Variants in DPP6 observed in about 807,000 individuals in gnomAD.
DPP6 encodes the protein A-type potassium channel modulatory protein DPP6.
In DPP6, 69 loss-of-function variants were observed where a neutral mutation model predicts 122.6. That is an observed-to-expected ratio of 0.56 (90% CI 0.46 to 0.69). The LOEUF (loss-of-function observed/expected upper bound fraction) is 0.69, where lower values mean the gene tolerates loss of function less well. Ranked by LOEUF, DPP6 falls within the 30% of genes least tolerant of loss-of-function variation. The pLI is 0.00. For missense variants in DPP6, 928 were observed against 1,116.9 expected (o/e 0.83, Z 2.41); for synonymous variants, 418 against 433.1 (o/e 0.97, Z 0.43).
intron 7 of DPP6, among the ~76,000 whole-genome samples, chr7:154,672,692 C>T (rs1401612779): frequency 6.6e-6 from 1 of 152,136 alleles, no homozygotes; most frequent in Non-Finnish European, 1.5e-5. Flanking sequence ...TCCATTTGAC[C>T]TTTAAGAGCG....
At chr7:154,538,816 C>T (rs1828478548) in intron 3 of DPP6, among the ~76,000 whole-genome samples, 1 of 152,100 alleles carries the variant, frequency 6.6e-6, no homozygotes, top group Non-Finnish European at 1.5e-5. Flanking sequence ...ATAGATGCAC[C>T]TTGGTGTGTT....
At chr7:154,482,433 T>TA (rs966467088) in intron 3 of DPP6, among the ~76,000 whole-genome samples, 4 of 152,344 alleles carry the variant, frequency 2.6e-5, no homozygotes, top group Admixed American at 6.5e-5. Context: ...TTATATATAC[T>TA]ACACATTTGT....
intron 1 of DPP6, among the ~76,000 whole-genome samples, chr7:153,918,430 ACACACAC>A (rs1800422497): frequency 4.5e-5 from 1 of 22,376 alleles, no homozygotes; most frequent in African/African-American, 1.9e-4. Flanking sequence ...TAATTAAAAC[ACACACAC>A]ACACACACAC....
intron 3 of DPP6, among the ~76,000 whole-genome samples, chr7:154,515,723 G>A (rs7782045): frequency 6.6e-6 from 1 of 151,862 alleles, no homozygotes; most frequent in Non-Finnish European, 1.5e-5. Context: ...ATCCGCCCTC[G>A]TCGGCCTCCC....
chr7:154,683,819 A>T (rs1270879157), intron 7 of DPP6, among the ~76,000 whole-genome samples: 1 of 152,076 alleles, frequency 6.6e-6, no homozygotes, highest in Non-Finnish European at 1.5e-5. Context: ...ACCACCTCTC[A>T]CTGCGAAGAC....
the DPP6 span, among the ~76,000 whole-genome samples, chr7:153,865,691 G>A: frequency 2.0e-5 from 3 of 152,098 alleles, no homozygotes; most frequent in Non-Finnish European, 4.4e-5. Context: ...TAGGGTACAT[G>A]TGCACAACGT....
chr7:153,887,174 G>A (rs1202598054), exon 1 of DPP6: 1 of 152,496 alleles, frequency 6.6e-6, no homozygotes, highest in Non-Finnish European at 1.5e-5. Context: ...CCGGGTCCCT[G>A]CCCTTAGGGA....
chr7:154,333,873 T>C (rs1463225299), intron 1 of DPP6, among the ~76,000 whole-genome samples: 4 of 152,186 alleles, frequency 2.6e-5, no homozygotes, highest in African/African-American at 9.6e-5. Flanking sequence ...TTAAAAATGC[T>C]CACAGTCATG....
the DPP6 span, among the ~76,000 whole-genome samples, chr7:153,752,253 CTTTTT>C: frequency 2.2e-5 from 3 of 138,398 alleles, no homozygotes; most frequent in Admixed American, 7.2e-5. Context: ...ACCACAGCCT[CTTTTT>C]TTTTTTTTTT....
chr7:154,199,155 T>A (rs533669922), intron 1 of DPP6, among the ~76,000 whole-genome samples: 1 of 152,164 alleles, frequency 6.6e-6, no homozygotes, highest in East Asian at 1.9e-4. Flanking sequence ...CTCCCCTAAT[T>A]GCAAGTCGTC....
intron 1 of DPP6, among the ~76,000 whole-genome samples, chr7:153,935,087 C>T (rs1370573437): frequency 6.6e-6 from 1 of 152,186 alleles, no homozygotes; most frequent in Non-Finnish European, 1.5e-5. Flanking sequence ...AACGCTGTGC[C>T]CATCCCAGTG....
At chr7:153,948,856 A>T (rs1186985238) in intron 1 of DPP6, among the ~76,000 whole-genome samples, 3 of 149,726 alleles carry the variant, frequency 2.0e-5, no homozygotes, top group Non-Finnish European at 4.4e-5. Context: ...AAACAGGCAC[A>T]GGTAAAGATG....
chr7:154,576,039 C>T (rs1457820281), intron 5 of DPP6, among the ~76,000 whole-genome samples: 3 of 152,010 alleles, frequency 2.0e-5, no homozygotes, highest in African/African-American at 7.3e-5. Context: ...CATTCCAGGC[C>T]GGCCCGCAGT....
chr7:154,780,801 T>G (rs1428910565), intron 10 of DPP6, among the ~76,000 whole-genome samples: 3 of 152,172 alleles, frequency 2.0e-5, no homozygotes, highest in Non-Finnish European at 4.4e-5. Flanking sequence ...GAGCAAATAT[T>G]GAGGAAACAG....
At chr7:154,045,387 A>G (rs1465255643) in intron 1 of DPP6, among the ~76,000 whole-genome samples, 1 of 152,202 alleles carries the variant, frequency 6.6e-6, no homozygotes. Context: ...GCTCTAGTAC[A>G]TTGCTCTAGT....
intron 1 of DPP6, among the ~76,000 whole-genome samples, chr7:154,015,599 C>T (rs1259800969): frequency 2.0e-5 from 3 of 152,172 alleles, no homozygotes; most frequent in African/African-American, 4.8e-5. Context: ...ACCACCAACC[C>T]AGGTGCTCAA....
chr7:153,886,457 G>A (rs1053574601), upstream of DPP6, among the ~76,000 whole-genome samples: 14 of 152,282 alleles, frequency 9.2e-5, no homozygotes, highest in East Asian at 2.7e-3. Flanking sequence ...GTGGGCGCCA[G>A]ACTGGGCTGC....
intron 1 of DPP6, among the ~76,000 whole-genome samples, chr7:154,071,833 G>C (rs2150509946): frequency 6.6e-6 from 1 of 152,284 alleles, no homozygotes; most frequent in African/African-American, 2.4e-5. Flanking sequence ...GAAAAGAGAG[G>C]GGGCTTTCTT....
chr7:153,914,972 C>T (rs1800243788), intron 1 of DPP6, among the ~76,000 whole-genome samples: 1 of 152,168 alleles, frequency 6.6e-6, no homozygotes, highest in African/African-American at 2.4e-5. Flanking sequence ...CTATCTTGTC[C>T]TTGTCTAGCT....
Sources: allele counts gnomAD v4.1 joint callset (sites outside exome capture counted in the v4.1 genomes callset), GRCh38; gene constraint gnomAD v4.1.1; transcripts MANE v1.5; gene names NCBI Gene and HGNC (gene_info 2026-07-23, HGNC 2026-07-21).